Variants in DGKB observed in about 807,000 individuals in gnomAD.
DGKB encodes the protein 90 kDa diacylglycerol kinase.
In DGKB, 67 loss-of-function variants were observed where a neutral mutation model predicts 114.3. The ratio of observed to expected loss-of-function variants is 0.59; its 90% confidence interval spans 0.48 to 0.72. The LOEUF is 0.72. Ranked by LOEUF, DGKB falls within the 30% of genes least tolerant of loss-of-function variation. The pLI, the probability that DGKB is intolerant of heterozygous loss-of-function variation, is 0.00. For synonymous variants in DGKB, 398 were observed against 323.1 expected, an observed-to-expected ratio of 1.23 and a Z score of -2.49; for missense variants, 907 against 975.2, an observed-to-expected ratio of 0.93 and a Z score of 0.93.
At chr7:14,828,953 G>A (rs1846059520) in intron 2 of DGKB, among the ~76,000 whole-genome samples, 1 of 152,060 alleles carries the variant, frequency 6.6e-6, no homozygotes, top group African/African-American at 2.4e-5. Context: ...GCCAGAACTT[G>A]CAACCAGACT....
At chr7:14,714,750 C>T (rs894598028) in intron 6 of DGKB, among the ~76,000 whole-genome samples, 3 of 152,124 alleles carry the variant, frequency 2.0e-5, no homozygotes, top group Non-Finnish European at 2.9e-5. Context: ...TTCACTAAGT[C>T]TCTGCCACTC....
intron 20 of DGKB, among the ~76,000 whole-genome samples, chr7:14,531,590 T>C (rs1171054638): frequency 6.6e-6 from 1 of 151,304 alleles, no homozygotes; most frequent in Non-Finnish European, 1.5e-5. Flanking sequence ...TGTTCATAGA[T>C]TGGAAAATAA....
intron 20 of DGKB, among the ~76,000 whole-genome samples, chr7:14,532,982 G>C (rs781702240): frequency 6.6e-6 from 1 of 151,706 alleles, no homozygotes; most frequent in African/African-American, 2.4e-5. Context: ...AAGAATAAGG[G>C]TTACATGACA....
At chr7:14,952,968 G>A (rs1161350193) in intron 1 of DGKB, among the ~76,000 whole-genome samples, 3 of 151,886 alleles carry the variant, frequency 2.0e-5, no homozygotes, top group South Asian at 2.1e-4. Context: ...GGGGAAATAC[G>A]GTCATTTCAA....
intron 2 of DGKB, among the ~76,000 whole-genome samples, chr7:14,793,141 A>T (rs1840920426): frequency 6.6e-6 from 1 of 152,298 alleles, no homozygotes; most frequent in Non-Finnish European, 1.5e-5. Context: ...CAGACTTCTT[A>T]GAATGCTTAA....
At chr7:14,769,952 A>C (rs1467316497) in intron 2 of DGKB, among the ~76,000 whole-genome samples, 1 of 152,140 alleles carries the variant, frequency 6.6e-6, no homozygotes, top group African/African-American at 2.4e-5. Context: ...ATGTAATTAC[A>C]AAATAATTTA....
intron 25 of DGKB, among the ~76,000 whole-genome samples, chr7:14,157,062 A>G (rs1783127771): frequency 6.6e-6 from 1 of 152,124 alleles, no homozygotes; most frequent in Non-Finnish European, 1.5e-5. Context: ...TCCCTGCTTC[A>G]TCTCTTTAAG....
intron 20 of DGKB, among the ~76,000 whole-genome samples, chr7:14,537,032 T>C (rs1057389735): frequency 6.6e-6 from 1 of 151,890 alleles, no homozygotes; most frequent in African/African-American, 2.4e-5. Flanking sequence ...CTATGAACTA[T>C]CCCAAAATGA....
At chr7:14,699,398 G>A (rs752246702) in intron 7 of DGKB, among the ~76,000 whole-genome samples, 1 of 151,998 alleles carries the variant, frequency 6.6e-6, no homozygotes. Context: ...GGACTGTTAC[G>A]TAGGCATGTG....
At chr7:14,279,015 T>C (rs1362349381) in intron 23 of DGKB, among the ~76,000 whole-genome samples, 1 of 152,108 alleles carries the variant, frequency 6.6e-6, no homozygotes, top group African/African-American at 2.4e-5. Context: ...CGCAGGTCAG[T>C]GGGTGCACGC....
At chr7:14,365,809 C>G (rs1407612717) in intron 21 of DGKB, among the ~76,000 whole-genome samples, 2 of 152,018 alleles carry the variant, frequency 1.3e-5, no homozygotes, top group African/African-American at 4.8e-5. Flanking sequence ...AAAAAGAAAT[C>G]TGGTTGCTAG....
At chr7:14,256,045 T>A (rs1352308816) in intron 23 of DGKB, among the ~76,000 whole-genome samples, 1 of 152,228 alleles carries the variant, frequency 6.6e-6, no homozygotes, top group East Asian at 1.9e-4. Flanking sequence ...CTCCTCATTC[T>A]TTATTAATCA....
chr7:14,634,159 A>G (rs997970906), intron 13 of DGKB, among the ~76,000 whole-genome samples: 2 of 150,872 alleles, frequency 1.3e-5, no homozygotes, highest in African/African-American at 4.8e-5. Flanking sequence ...TTATATATAT[A>G]TTTTACATTT....
chr7:14,741,104 C>T (rs1207211361), intron 4 of DGKB, among the ~76,000 whole-genome samples: 4 of 152,058 alleles, frequency 2.6e-5, no homozygotes, highest in East Asian at 3.9e-4. Flanking sequence ...GATGGTTAAT[C>T]CTGTCTCCAT....
At chr7:14,317,470 A>G (rs1305504708) in intron 23 of DGKB, among the ~76,000 whole-genome samples, 1 of 151,606 alleles carries the variant, frequency 6.6e-6, no homozygotes, top group East Asian at 1.9e-4. Flanking sequence ...CAAAAATCAC[A>G]AGCATTCCTA....
At chr7:14,249,949 C>T (rs1794986489) in intron 23 of DGKB, among the ~76,000 whole-genome samples, 1 of 151,316 alleles carries the variant, frequency 6.6e-6, no homozygotes, top group Non-Finnish European at 1.5e-5. Flanking sequence ...TTTTTCCTTT[C>T]TTTTCTTTTT....
chr7:14,957,863 A>C (rs952092322), intron 1 of DGKB, among the ~76,000 whole-genome samples: 1 of 152,136 alleles, frequency 6.6e-6, no homozygotes, highest in African/African-American at 2.4e-5. Context: ...TGAATGATAC[A>C]AATAAAAAGA....
chr7:14,726,428 C>T (rs10277933), intron 5 of DGKB, among the ~76,000 whole-genome samples: 3,812 of 152,150 alleles, frequency 0.025, 158 homozygotes, highest in African/African-American at 0.087. Context: ...CCACCGTGCC[C>T]GGCCAGAATC....
intron 17 of DGKB, among the ~76,000 whole-genome samples, chr7:14,583,651 T>C (rs542052253): frequency 3.3e-5 from 5 of 152,202 alleles, no homozygotes; most frequent in Non-Finnish European, 7.3e-5. Context: ...ACTTTCCTTT[T>C]GACTGAGAAT....
Sources: allele counts gnomAD v4.1 joint callset (sites outside exome capture counted in the v4.1 genomes callset), GRCh38; gene constraint gnomAD v4.1.1; transcripts MANE v1.5; gene names NCBI Gene and HGNC (gene_info 2026-07-23, HGNC 2026-07-21).